SIK3: variants seen among roughly 807,000 people sequenced by gnomAD.
SIK3 encodes the protein SIK family kinase 3.
A neutral mutation model predicts 144.2 loss-of-function variants in SIK3; 28 were observed. The ratio of observed to expected loss-of-function variants is 0.19; its 90% CI spans 0.14 to 0.27. SIK3 has a LOEUF of 0.27. SIK3 is among the 10% of genes least tolerant of loss of function. The pLI is 1.00. For synonymous variants in SIK3, 686 were observed against 676.3 expected (o/e 1.01, Z -0.22); for missense variants, 1,319 against 1,776.0 (o/e 0.74, Z 4.62).
intron 1 of SIK3, among the ~76,000 whole-genome samples, chr11:117,077,066 G>A (rs1415509820): frequency 6.6e-6 from 1 of 152,184 alleles, no homozygotes; most frequent in Non-Finnish European, 1.5e-5. Flanking sequence ...TGAGATGGGA[G>A]GATCACTTGA....
intron 3 of SIK3, among the ~76,000 whole-genome samples, chr11:116,940,126 G>A (rs886304099): frequency 2.6e-5 from 4 of 152,108 alleles, no homozygotes; most frequent in Non-Finnish European, 1.5e-5. Flanking sequence ...ATAGAAGCTG[G>A]GCTGTTTGTA....
intron 1 of SIK3, among the ~76,000 whole-genome samples, chr11:116,994,917 G>A (rs1032275890): frequency 2.7e-5 from 4 of 150,734 alleles, no homozygotes; most frequent in African/African-American, 9.7e-5. Context: ...TAAAAGTCCC[G>A]TTTTCCAGGC....
At position 116,981,692 on chromosome 11, in the gene SIK3, T is replaced by C. The variant is rs564144760; in HGVS notation, c.274-24628A>G. Among the ~76,000 whole-genome samples the C allele has an allele frequency of 1.1e-3, 171 of 152,310 alleles. 3 individuals carry two copies. Among genetic ancestry groups the C allele is most frequent in the Non-Finnish European group, 3.8e-4 (26 of 68,030 alleles). ...AACTCACATTTCTTGCAACTTCCTC[T>C]ATTAAAAGTCTTTAAGGCCTGACTA... On this transcript the variant is annotated intron_variant, in intron 1 of 24. Coordinates refer to ENST00000445177, the MANE Select transcript of SIK3 (RefSeq NM_001366686.3).
At chr11:117,029,540 G>A (rs1485609800) in intron 1 of SIK3, among the ~76,000 whole-genome samples, 4 of 152,088 alleles carry the variant, frequency 2.6e-5, no homozygotes, top group Non-Finnish European at 4.4e-5. Flanking sequence ...AGAAATGGGC[G>A]TATCAGTTAA....
intron 4 of SIK3, among the ~76,000 whole-genome samples, chr11:116,921,045 C>T (rs554497341): frequency 5.3e-5 from 8 of 152,252 alleles, no homozygotes; most frequent in Non-Finnish European, 4.4e-5. Flanking sequence ...CTGTGTTGTG[C>T]CTCGTCAGTC....
Position 116,867,870 on chromosome 11 carries a change from G to A in SIK3, c.1952+76C>T, listed in dbSNP as rs753896195. ...ATTTAAAGCCACGATGCTAGTCACC[G>A]TCGCTGTGAGACTAATCAGAAGGGT... On this transcript the variant is annotated intron_variant, in intron 15 of 24. Coordinates refer to ENST00000445177, the MANE Select transcript of SIK3 (RefSeq NM_001366686.3). The surrounding 1 kb of genome is among the most constrained non-coding windows in gnomAD (Gnocchi z 4.1). 4.0e-5 allele frequency: 55 copies of A among 1,385,070 alleles called. No individual in the cohort carries two copies. Among genetic ancestry groups the A allele is most frequent in the African/African-American group, 1.3e-4 (9 of 68,100 alleles). 85.8% of individuals were successfully genotyped at this position (1,385,070 alleles called of 1,614,324 possible). A position where few individuals can be genotyped will look rare whatever the true frequency, so the allele number is the denominator to read the frequency against.
intron 1 of SIK3, among the ~76,000 whole-genome samples, chr11:116,991,682 T>C (rs914379421): frequency 6.6e-6 from 1 of 152,218 alleles, no homozygotes; most frequent in African/African-American, 2.4e-5. Flanking sequence ...AGTGAAACTA[T>C]TTCACAATCG....
chr11:116,959,765 G>A (rs889529692), intron 1 of SIK3, among the ~76,000 whole-genome samples: 3 of 152,104 alleles, frequency 2.0e-5, no homozygotes, highest in African/African-American at 7.2e-5. Flanking sequence ...ACAATAGAGT[G>A]AATTAAATGC....
intron 4 of SIK3, among the ~76,000 whole-genome samples, chr11:116,924,011 G>C (rs928052369): frequency 6.6e-6 from 1 of 152,174 alleles, no homozygotes; most frequent in African/African-American, 2.4e-5. Flanking sequence ...GCCGGGCGTG[G>C]TGGCTCACGC....
At chr11:116,861,777 A>G in intron 18 of SIK3, 64 bp downstream of exon 18, 3 of 1,065,508 alleles carry the variant, frequency 2.8e-6, no homozygotes, top group Non-Finnish European at 4.3e-6. Flanking sequence ...TCTCCCAGTG[A>G]GTCAAGCCAA....
intron 1 of SIK3, among the ~76,000 whole-genome samples, chr11:117,078,109 T>C (rs1954630426): frequency 1.3e-5 from 2 of 152,206 alleles, no homozygotes; most frequent in Non-Finnish European, 2.9e-5. Context: ...CTTGTTCCAT[T>C]AGCTCAGTTC....
At chr11:117,054,884 T>C (rs912741101) in intron 1 of SIK3, among the ~76,000 whole-genome samples, 2 of 152,200 alleles carry the variant, frequency 1.3e-5, no homozygotes, top group Admixed American at 1.3e-4. Context: ...AAAGCTATCC[T>C]GAGGCTCTTT....
At chr11:116,890,915 C>T (rs1473947010) in intron 6 of SIK3, among the ~76,000 whole-genome samples, 1 of 152,026 alleles carries the variant, frequency 6.6e-6, no homozygotes, top group African/African-American at 2.4e-5. Context: ...GTCATTGTTT[C>T]TGAAATAGCA....
chr11:117,078,309 A>G (rs1344169166), intron 1 of SIK3, among the ~76,000 whole-genome samples: 1 of 152,228 alleles, frequency 6.6e-6, no homozygotes, highest in Non-Finnish European at 1.5e-5. Context: ...AACTTAATGC[A>G]AGTCACATCC....
chr11:116,894,508 G>A (rs1355666631), intron 6 of SIK3, among the ~76,000 whole-genome samples: 1 of 152,188 alleles, frequency 6.6e-6, no homozygotes, highest in Non-Finnish European at 1.5e-5. Context: ...CATTTGCTCA[G>A]GATAGAAACT....
At chr11:116,881,018 G>A (rs1944516352) in intron 6 of SIK3, among the ~76,000 whole-genome samples, 2 of 152,124 alleles carry the variant, frequency 1.3e-5, no homozygotes, top group Admixed American at 1.3e-4. Flanking sequence ...CAGCTACCCG[G>A]GAGGCTGAGG....
At chr11:116,944,483 AAT>A (rs1948476689) in intron 3 of SIK3, among the ~76,000 whole-genome samples, 2 of 152,038 alleles carry the variant, frequency 1.3e-5, no homozygotes, top group Non-Finnish European at 2.9e-5. Context: ...TCAATCAATC[AAT>A]CAGGCTTATG....
chr11:116,911,925 T>G (rs1234723440), intron 4 of SIK3, among the ~76,000 whole-genome samples: 1 of 152,128 alleles, frequency 6.6e-6, no homozygotes, highest in Non-Finnish European at 1.5e-5. Context: ...TCTAAAGAGT[T>G]ACGGAAGAAC....
chr11:117,036,301 G>C (rs1952500847), intron 1 of SIK3, among the ~76,000 whole-genome samples: 1 of 152,102 alleles, frequency 6.6e-6, no homozygotes, highest in East Asian at 1.9e-4. Context: ...TTTCCTGAAA[G>C]TTGAGGGAAA....
Sources: allele counts gnomAD v4.1 joint callset (sites outside exome capture counted in the v4.1 genomes callset), GRCh38; gene constraint gnomAD v4.1.1; non-coding constraint Gnocchi (gnomAD v3.1); transcripts MANE v1.5; gene names NCBI Gene and HGNC (gene_info 2026-07-23, HGNC 2026-07-21).